ZP3: variants seen among roughly 807,000 people sequenced by gnomAD.
The protein encoded by ZP3 is zona pellucida sperm-binding protein 3.
Under a neutral mutation model 35.6 loss-of-function variants are expected in ZP3, and 21 were observed. That is an observed-to-expected ratio of 0.59 (90% CI 0.42 to 0.85). The LOEUF (loss-of-function observed/expected upper bound fraction) is 0.85, where lower values mean the gene tolerates loss of function less well. ZP3 is among the 40% of genes least tolerant of loss of function. The probability of loss-of-function intolerance (pLI) is 0.00; values close to 1 mark genes in which losing one functional copy is unlikely to be tolerated. For synonymous variants in ZP3, 207 were observed against 214.5 expected, an observed-to-expected ratio of 0.96 and a Z score of 0.31; for missense variants, 437 against 536.5, an observed-to-expected ratio of 0.81 and a Z score of 1.83.
At chr7:76,404,546 C>G in intron 1 of ZP3, 1 of 1,540,106 alleles carries the variant, frequency 6.5e-7, no homozygotes, top group Non-Finnish European at 8.9e-7. Context: ...CCTCCCAGCA[C>G]TTTGGGAGGC....
At chr7:76,438,580 G>C (rs1276298589) in intron 5 of ZP3, among the ~76,000 whole-genome samples, 1 of 147,926 alleles carries the variant, frequency 6.8e-6, no homozygotes, top group African/African-American at 2.6e-5. Flanking sequence ...AGTGCTTACA[G>C]GGTAGTTGAC....
chr7:76,435,878 C>T (rs1312088568), intron 5 of ZP3, among the ~76,000 whole-genome samples: 1 of 152,036 alleles, frequency 6.6e-6, no homozygotes, highest in Non-Finnish European at 1.5e-5. Context: ...GCGCCTGCCA[C>T]CATGCCCGGC....
intron 1 of ZP3, among the ~76,000 whole-genome samples, chr7:76,419,302 A>G (rs1201368008): frequency 3.3e-5 from 5 of 152,120 alleles, no homozygotes; most frequent in Non-Finnish European, 7.4e-5. Flanking sequence ...TTCTTCTCAA[A>G]GTTTTAGTTT....
intron 1 of ZP3, among the ~76,000 whole-genome samples, chr7:76,406,261 A>G (rs1167839498): frequency 6.6e-6 from 1 of 152,128 alleles, no homozygotes; most frequent in East Asian, 1.9e-4. Flanking sequence ...TACAGGCATG[A>G]GCCACCGCAC....
At chr7:76,440,872 C>T (rs192580875) in intron 7 of ZP3, among the ~76,000 whole-genome samples, 37 of 152,146 alleles carry the variant, frequency 2.4e-4, no homozygotes, top group Admixed American at 2.4e-3. Flanking sequence ...GGAAATATAG[C>T]AGTTGTTAAG....
At chr7:76,418,847 C>T (rs954118767) in intron 1 of ZP3, among the ~76,000 whole-genome samples, 1 of 152,144 alleles carries the variant, frequency 6.6e-6, no homozygotes, top group Admixed American at 6.6e-5. Context: ...CAGAGGGAGA[C>T]TCTGTCTCAG....
chr7:76,400,140 T>C (rs1309957464), intron 1 of ZP3: 1 of 916,826 alleles, frequency 1.1e-6, no homozygotes, highest in Admixed American at 4.2e-5. Flanking sequence ...CAGGCTGGGG[T>C]TCTTCCCTGG....
At chr7:76,428,461 TCA>T (rs1805735992) in intron 1 of ZP3, among the ~76,000 whole-genome samples, 1 of 152,176 alleles carries the variant, frequency 6.6e-6, no homozygotes, top group Non-Finnish European at 1.5e-5. Flanking sequence ...GGGCCTAGCG[TCA>T]CATTTTTCTA....
At chr7:76,420,906 C>CGTGTGT (rs55828330), upstream of ZP3, among the ~76,000 whole-genome samples, 16 of 144,606 alleles carry the variant, frequency 1.1e-4, no homozygotes, top group East Asian at 2.0e-4. Context: ...TATATTTCCA[C>CGTGTGT]GTGTGTGTGT....
chr7:76,425,339 C>G (rs999833786), intron 1 of ZP3, 63 bp downstream of exon 1: 1 of 1,511,158 alleles, frequency 6.6e-7, no homozygotes, highest in Admixed American at 1.9e-5. Flanking sequence ...GGTATGGGGA[C>G]TGTGGCCACC....
intron 1 of ZP3, among the ~76,000 whole-genome samples, chr7:76,412,102 CACT>C (rs1805260806): frequency 6.7e-6 from 1 of 150,330 alleles, no homozygotes; most frequent in East Asian, 2.0e-4. Context: ...GTGGGAGGAT[CACT>C]TGAGCCCAAG....
upstream of ZP3, among the ~76,000 whole-genome samples, chr7:76,421,584 TAC>T (rs1173578831): frequency 6.6e-6 from 1 of 151,526 alleles, no homozygotes; most frequent in African/African-American, 2.4e-5. Context: ...TATATATATA[TAC>T]ACACACATAT....
At chr7:76,426,036 T>C (rs942327370) in intron 1 of ZP3, among the ~76,000 whole-genome samples, 18 of 151,402 alleles carry the variant, frequency 1.2e-4, no homozygotes, top group Admixed American at 4.6e-4. Flanking sequence ...TGAGCTGAGA[T>C]TGTGCCACTG....
chr7:76,397,713 C>T, exon 1 of ZP3: 1 of 1,613,416 alleles, frequency 6.2e-7, no homozygotes, highest in South Asian at 1.1e-5. Context: ...CGACAGACCA[C>T]AGCGGCATCC....
In ZP3 at chr7:76,424,998, C is replaced by G. The variant is rs1418837823; in HGVS notation, c.34C>G (p.Leu12Val). 2 of 1,558,782 alleles carry G rather than the reference C, an allele frequency of 1.3e-6. No individual in the cohort carries two copies. Among genetic ancestry groups the G allele is most frequent in the South Asian group, 2.3e-5 (2 of 85,740 alleles). ...ELSYRLFICL[L>V]LWGSTELCYP... is the part of the protein sequence containing the mutation. ...GAGCTATAGGCTCTTCATCTGCCTC[C>G]TGCTCTGGGGTAGTACTGAGCTGTG... Residue 12 changes from leucine to valine, a missense_variant, in exon 1 of 8, where the codon CTG (leucine) becomes GTG (valine). Physicochemically the swap from Leu to Val is conservative, Grantham distance 32 (BLOSUM62 1). Transcript: ENST00000394857.
rs770998544 is a variant in ZP3, at chr7:76,425,064, C to T, written c.100C>T (p.His34Tyr). 1.2e-6 allele frequency: 2 copies of T among 1,612,586 alleles called. No homozygotes were observed. Among genetic ancestry groups the T allele is most frequent in the South Asian group, 1.1e-5 (1 of 90,842 alleles). ...CTGGCTCTTGCAGGGTGGAGCCAGCCATCCTGAGACGTCCGTACAGCCCGT... is the reference window on the plus strand; with the variant it reads ...CTGGCTCTTGCAGGGTGGAGCCAGCTATCCTGAGACGTCCGTACAGCCCGT... ...PLWLLQGGAS[H>Y]PETSVQPVLV... The change falls in exon 1 of 8, where the codon CAT becomes TAT. Residue 34 changes from histidine to tyrosine, a missense_variant. Physicochemically the swap from His to Tyr is moderately conservative, Grantham distance 83. Transcript: ENST00000394857.
rs775390674 is a variant in ZP3, at chr7:76,425,014, C to T, written c.50C>T (p.Thr17Ile). 1.3e-6 allele frequency: 2 copies of T among 1,576,802 alleles called. No homozygotes were observed. The highest frequency in any genetic ancestry group is 1.9e-5 in the Admixed American group (1 of 53,588). ...LFICLLLWGS[T>I]ELCYPQPLWL... The stretch of plus-strand genomic sequence containing the variant: ...ATCTGCCTCCTGCTCTGGGGTAGTA[C>T]TGAGCTGTGCTACCCCCAACCCCTC... The change falls in exon 1 of 8, where the codon ACT (threonine) becomes ATT (isoleucine). Residue 17 changes from threonine (T) to isoleucine (I), a missense_variant. Thr to Ile is a moderately conservative substitution (Grantham distance 89, BLOSUM62 -1). Coordinates refer to ENST00000394857, the MANE Select transcript of ZP3 (RefSeq NM_001110354.2).
intron 1 of ZP3, chr7:76,404,390 C>T (rs145166488): frequency 4.3e-5 from 69 of 1,613,990 alleles, no homozygotes; most frequent in South Asian, 1.8e-4. Context: ...CCACCCCCAG[C>T]GCTTCTCATC....
intron 1 of ZP3, among the ~76,000 whole-genome samples, chr7:76,416,454 C>T (rs888788047): frequency 6.6e-6 from 1 of 151,828 alleles, no homozygotes; most frequent in African/African-American, 2.4e-5. Context: ...AAATATTGTA[C>T]AAAATATTTA....
Sources: allele counts gnomAD v4.1 joint callset (sites outside exome capture counted in the v4.1 genomes callset), GRCh38; gene constraint gnomAD v4.1.1; transcripts MANE v1.5; gene names NCBI Gene and HGNC (gene_info 2026-07-23, HGNC 2026-07-21).